Variants in DNM1L observed in about 807,000 individuals in gnomAD.
The protein encoded by DNM1L is dynamin 1L.
A neutral mutation model predicts 92.8 loss-of-function variants in DNM1L; 33 were observed. The ratio of observed to expected loss-of-function variants is 0.36; its 90% CI spans 0.27 to 0.48. DNM1L has a LOEUF of 0.48. DNM1L is among the 20% of genes least tolerant of loss of function. The pLI, the probability that DNM1L is intolerant of heterozygous loss-of-function variation, is 0.99. For missense variants in DNM1L, 485 were observed against 888.8 expected, an observed-to-expected ratio of 0.55 and a Z score of 5.78; for synonymous variants, 284 against 305.0, an observed-to-expected ratio of 0.93 and a Z score of 0.72.
chr12:32,731,318 T>G lies in DNM1L; in HGVS notation c.1201-38T>G, dbSNP rs529114359. The stretch of plus-strand genomic sequence containing the variant: ...CTTAACCCTTGGGAAGAACTGAAAT[T>G]ACATATATAATAAGAGTTCTAAGTT... On this transcript the variant is annotated intron_variant, in intron 10 of 19. Transcript: ENST00000549701. This position sits in a 1 kb window ranked among gnomAD's most constrained non-coding sequence, Gnocchi z 5.1. The G allele has an allele frequency of 3.9e-5, 63 of 1,612,418 alleles. No homozygotes were observed. The South Asian group carries it at 6.5e-4, about 17-fold the overall frequency.
chr12:32,727,712 A>ACATTAT (rs1311041768), intron 9 of DNM1L, among the ~76,000 whole-genome samples: 1 of 152,224 alleles, frequency 6.6e-6, no homozygotes, highest in Non-Finnish European at 1.5e-5. Context: ...TCTGTCTCAT[A>ACATTAT]CATTATCAGT....
chr12:32,704,288 G>A (rs549628718), intron 2 of DNM1L, among the ~76,000 whole-genome samples: 2 of 152,160 alleles, frequency 1.3e-5, no homozygotes, highest in South Asian at 2.1e-4. Context: ...GGTGGCTCAC[G>A]CCTGTAATCC....
chr12:32,738,158 GA>G, intron 15 of DNM1L, 105 bp from the exon 16 acceptor site: 1 of 1,378,100 alleles, frequency 7.3e-7, no homozygotes, highest in Non-Finnish European at 1.0e-6. Context: ...GATGCACACA[GA>G]AAAAGTAATT....
rs774855704 is a variant in DNM1L, at chr12:32,739,472, C to T, written c.1708-592C>T. 1.1e-3 allele frequency among the ~76,000 whole-genome samples: 173 copies of T among 152,248 alleles called. 3 individuals are homozygous for T. The highest frequency in any genetic ancestry group is 6.0e-4 in the Non-Finnish European group (41 of 68,004). On this transcript the variant is annotated intron_variant, in intron 16 of 19. Coordinates refer to ENST00000549701, the MANE Select transcript of DNM1L (RefSeq NM_012062.5). Reference sequence around the variant, plus strand: ...GGGACTTCTGTTGTTTGTCACATTCCGCATTTGAAACAACTCACAGTGACT... The same window carrying T: ...GGGACTTCTGTTGTTTGTCACATTCTGCATTTGAAACAACTCACAGTGACT...
chr12:32,720,371 T>C (rs1053247919), intron 7 of DNM1L, among the ~76,000 whole-genome samples: 15 of 152,246 alleles, frequency 9.9e-5, no homozygotes, highest in Admixed American at 1.3e-4. Context: ...TTTTTGTCTA[T>C]AGTTAATGGT....
chr12:32,711,559 GC>G lies in DNM1L; in HGVS notation c.456+545del, dbSNP rs146231709. On this transcript the variant is annotated intron_variant, in intron 5 of 19. Transcript: ENST00000549701. ...AAATGGCAACTCATGCCATTTATTG[GC>G]AACTCATAAAAAAGCTGAGTTGATT... 5.7e-3 allele frequency among the ~76,000 whole-genome samples: 860 copies of G among 151,922 alleles called. 5 individuals carry two copies. Among genetic ancestry groups the G allele is most frequent in the African/African-American group, 0.019 (772 of 41,422 alleles).
intron 1 of DNM1L, 103 bp downstream of exon 1, chr12:32,679,568 G>A: frequency 6.9e-7 from 1 of 1,449,902 alleles, no homozygotes; most frequent in South Asian, 1.2e-5. Flanking sequence ...TCCCGCGCCA[G>A]CCTTTGGGGC....
intron 13 of DNM1L, 155 bp from the exon 14 acceptor site, chr12:32,736,950 A>G: frequency 1.4e-6 from 1 of 721,792 alleles, no homozygotes; most frequent in Non-Finnish European, 2.3e-6. Context: ...ATGATTTCTT[A>G]TTTATTTTAA....
At chr12:32,724,594 AT>A (rs1404906431) in intron 9 of DNM1L, among the ~76,000 whole-genome samples, 2,868 of 44,178 alleles carry the variant, frequency 0.065, 87 homozygotes, top group Middle Eastern at 0.12. Context: ...AAAAAAAAAA[AT>A]ATATATATAT....
chr12:32,691,300 G>A (rs10844299), intron 1 of DNM1L, among the ~76,000 whole-genome samples: 21,512 of 152,034 alleles, frequency 0.14, 1,563 homozygotes, highest in Middle Eastern at 0.19. Context: ...GTGCAGAGGC[G>A]CGATCTCGGC....
intron 1 of DNM1L, among the ~76,000 whole-genome samples, chr12:32,699,895 CTCT>C (rs1437067183): frequency 1.3e-5 from 2 of 152,026 alleles, no homozygotes; most frequent in South Asian, 2.1e-4. Context: ...GCTTGATTCC[CTCT>C]TCTTTGCAGT....
At chr12:32,735,985 T>G (rs947873635) in intron 13 of DNM1L, among the ~76,000 whole-genome samples, 1 of 151,808 alleles carries the variant, frequency 6.6e-6, no homozygotes, top group African/African-American at 2.4e-5. Flanking sequence ...GACTTTAACC[T>G]AAATAGTTTC....
intron 3 of DNM1L, 125 bp downstream of exon 3, chr12:32,707,538 A>T (rs1952974020): frequency 1.5e-6 from 1 of 648,140 alleles, no homozygotes; most frequent in Non-Finnish European, 2.4e-6. Flanking sequence ...TATTCCTTAT[A>T]AAATAAATCT....
At chr12:32,679,592 G>C (rs1951723918) in intron 1 of DNM1L, 127 bp downstream of exon 1, 1 of 1,421,228 alleles carries the variant, frequency 7.0e-7, no homozygotes, top group South Asian at 1.4e-5. Flanking sequence ...TGGGAGGAGG[G>C]CCTTGCTGGG....
intron 1 of DNM1L, among the ~76,000 whole-genome samples, chr12:32,686,000 T>C (rs1460955830): frequency 6.6e-6 from 1 of 151,852 alleles, no homozygotes; most frequent in Non-Finnish European, 1.5e-5. Context: ...TGCTTTTTTT[T>C]AACTTAACAA....
intron 5 of DNM1L, among the ~76,000 whole-genome samples, chr12:32,711,600 C>T (rs1460867492): frequency 1.3e-5 from 2 of 151,948 alleles, no homozygotes; most frequent in Non-Finnish European, 2.9e-5. Flanking sequence ...ATTGTTAGTT[C>T]CTTGGCCATC....
intron 1 of DNM1L, among the ~76,000 whole-genome samples, chr12:32,690,887 A>C (rs946463144): frequency 6.6e-6 from 1 of 152,234 alleles, no homozygotes; most frequent in Non-Finnish European, 1.5e-5. Context: ...TGGCATTAAA[A>C]AAATCACTTT....
rs779501619 is a variant in DNM1L, at chr12:32,722,287, G to A, written c.873-140G>A. ...CTGACTGCCAGGAAATGAAGACAAA[G>A]ACCAAATATATATTTCACAGTATCA... On this transcript the variant is annotated intron_variant, in intron 8 of 19. Transcript: ENST00000549701. 174 of 738,910 alleles carry A rather than the reference G, an allele frequency of 2.4e-4. 1 individual carries two copies. Among genetic ancestry groups the A allele is most frequent in the Non-Finnish European group, 2.9e-4 (126 of 441,278 alleles). 45.8% of individuals were successfully genotyped at this position (738,910 alleles called of 1,614,324 possible).
chr12:32,701,296 C>A, intron 1 of DNM1L, 119 bp from the exon 2 acceptor site: 4 of 841,092 alleles, frequency 4.8e-6, no homozygotes, highest in Non-Finnish European at 3.7e-6. Flanking sequence ...AAAAAATAGT[C>A]TCTGCACTAA....
Sources: allele counts gnomAD v4.1 joint callset (sites outside exome capture counted in the v4.1 genomes callset), GRCh38; gene constraint gnomAD v4.1.1; non-coding constraint Gnocchi (gnomAD v3.1); transcripts MANE v1.5; gene names NCBI Gene and HGNC (gene_info 2026-07-23, HGNC 2026-07-21).